The following PRPF18 variants were observed in gnomAD, a reference collection of about 807,000 sequenced individuals.
PRPF18 encodes the protein pre-mRNA-splicing factor 18.
In PRPF18, 38 loss-of-function variants were observed where a neutral mutation model predicts 46.5. The ratio of observed to expected loss-of-function variants is 0.82; its 90% CI spans 0.63 to 1.07. The LOEUF is 1.07. Ranked by LOEUF, PRPF18 falls within the 50% of genes least tolerant of loss-of-function variation. The probability of loss-of-function intolerance (pLI) is 0.00; values close to 1 mark genes in which losing one functional copy is unlikely to be tolerated. For synonymous variants in PRPF18, 152 were observed against 146.7 expected (o/e 1.04, Z -0.26); for missense variants, 263 against 410.0 (o/e 0.64, Z 3.10).
rs745811488 is a variant in PRPF18 at position 13,614,026 on chromosome 10, T to A, written c.732T>A (p.Ala244=). 6.3e-7 allele frequency: 1 copy of A among 1,588,392 alleles called. No homozygotes were observed. The change falls in exon 8 of 10, where the codon GCT becomes GCA. Residue 244 remains alanine, a synonymous_variant. Transcript: ENST00000378572. ...TTTATTTTTTTCAGAATCTTCCTGC[T>A]GATATTAAAGAATCAATAACGGATA... is the stretch of plus-strand genomic sequence containing the variant. ...FRKLRKRNLP[A]DIKESITDII...
At chr10:13,611,213 G>A (rs1427257204) in intron 5 of PRPF18, among the ~76,000 whole-genome samples, 1 of 140,658 alleles carries the variant, frequency 7.1e-6, no homozygotes. Flanking sequence ...TTTCCTATTG[G>A]TGTATTTATT....
In PRPF18 at chr10:13,615,781, G is replaced by A. The variant is rs377526895; in HGVS notation, c.793-617G>A. 2.6e-5 allele frequency among the ~76,000 whole-genome samples: 4 copies of A among 151,876 alleles called. No homozygotes were observed. In the East Asian group the frequency reaches 5.8e-4, roughly 22 times the overall value. On this transcript the variant is annotated intron_variant, in intron 8 of 9. Coordinates refer to ENST00000378572, the MANE Select transcript of PRPF18 (RefSeq NM_003675.4). ...TCATTTTTTGTGGCTGTTCTTTAAC[G>A]GTTCTTGGCAGGTAGGGGGTGGGGT... is the stretch of plus-strand genomic sequence containing the variant.
At chr10:13,594,286 G>C (rs985872043) in intron 1 of PRPF18, among the ~76,000 whole-genome samples, 26 of 152,282 alleles carry the variant, frequency 1.7e-4, no homozygotes, top group Middle Eastern at 6.8e-3. Flanking sequence ...CATAGTAGTT[G>C]GATTCTATTT....
At chr10:13,637,241 G>A in the PRPF18 span, 1 of 152,140 alleles carries the variant, frequency 6.6e-6, no homozygotes. Flanking sequence ...TAGAGTTATT[G>A]TCAAAGAGTT....
chr10:13,625,888 A>G (rs560066449), intron 9 of PRPF18, among the ~76,000 whole-genome samples: 1 of 152,372 alleles, frequency 6.6e-6, no homozygotes, highest in East Asian at 1.9e-4. Flanking sequence ...AAGGGTAAAT[A>G]TAGGCTAATG....
At chr10:13,636,496 C>T in the PRPF18 span, among the ~76,000 whole-genome samples, 2 of 152,144 alleles carry the variant, frequency 1.3e-5, no homozygotes, top group East Asian at 3.8e-4. Context: ...TGTTACGCGT[C>T]AAGTGTCTGT....
At chr10:13,612,228 C>T (rs1232629436) in intron 6 of PRPF18, among the ~76,000 whole-genome samples, 1 of 152,044 alleles carries the variant, frequency 6.6e-6, no homozygotes, top group Non-Finnish European at 1.5e-5. Context: ...AATGTAAACA[C>T]ATAGAAAAGA....
the PRPF18 span, chr10:13,654,190 C>T: frequency 3.1e-5 from 18 of 580,746 alleles, no homozygotes; most frequent in South Asian, 1.5e-4. Context: ...CAAGGACCAC[C>T]GCCTACTTTA....
the PRPF18 span, among the ~76,000 whole-genome samples, chr10:13,650,144 G>GT: frequency 6.6e-6 from 1 of 152,350 alleles, no homozygotes; most frequent in African/African-American, 2.4e-5. Context: ...ATCTCACAGG[G>GT]TTTTGTGGTT....
chr10:13,636,201 C>G, the PRPF18 span, among the ~76,000 whole-genome samples: 1 of 152,296 alleles, frequency 6.6e-6, no homozygotes, highest in Middle Eastern at 3.4e-3. Flanking sequence ...GCGGGCAGAT[C>G]ACTTGAGCTC....
At chr10:13,621,184 G>GT (rs1315855413) in intron 9 of PRPF18, among the ~76,000 whole-genome samples, 1 of 152,190 alleles carries the variant, frequency 6.6e-6, no homozygotes, top group African/African-American at 2.4e-5. Flanking sequence ...AAAAGATGAG[G>GT]TGAAATGCAT....
intron 1 of PRPF18, among the ~76,000 whole-genome samples, chr10:13,595,570 A>C (rs962551031): frequency 1.1e-4 from 16 of 152,198 alleles, no homozygotes; most frequent in African/African-American, 3.1e-4. Context: ...TAAGGACCAG[A>C]GTTCTAGTTG....
intron 9 of PRPF18, among the ~76,000 whole-genome samples, chr10:13,622,587 C>G (rs1325042926): frequency 6.6e-6 from 1 of 152,186 alleles, no homozygotes. Context: ...GAAATAAACC[C>G]TTGCACTGGA....
intron 4 of PRPF18, among the ~76,000 whole-genome samples, chr10:13,609,577 G>A (rs1466238261): frequency 1.3e-5 from 2 of 152,210 alleles, no homozygotes; most frequent in Non-Finnish European, 2.9e-5. Flanking sequence ...TAGAAACATA[G>A]TTGAGAACCT....
At position 13,605,616 on chromosome 10, in the gene PRPF18, T is replaced by C. The variant is rs770359411; in HGVS notation, c.250-15T>C. 7 of 1,557,848 alleles carry C rather than the reference T, an allele frequency of 4.5e-6. No individual in the cohort carries two copies. In the Admixed American group the frequency reaches 1.5e-4, roughly 32 times the overall value. The stretch of plus-strand genomic sequence containing the variant: ...AAAAAAAAAAAATTTACTGGGTATC[T>C]GTTTCACTTTGTAGGTCATCAGAAG... On this transcript the variant is annotated splice_polypyrimidine_tract_variant and intron_variant, in intron 3 of 9. Transcript: ENST00000378572.
chr10:13,612,512 T>C (rs1256545423), intron 6 of PRPF18, among the ~76,000 whole-genome samples: 3 of 151,838 alleles, frequency 2.0e-5, no homozygotes, highest in Non-Finnish European at 4.4e-5. Flanking sequence ...CTTGAACTCC[T>C]GACCACAAGT....
intron 9 of PRPF18, among the ~76,000 whole-genome samples, chr10:13,624,011 G>T (rs1564462900): frequency 1.3e-5 from 2 of 152,128 alleles, no homozygotes; most frequent in Admixed American, 1.3e-4. Context: ...TTCAGACAGG[G>T]TCTCATTCCG....
chr10:13,644,300 A>T, the PRPF18 span: 1 of 152,220 alleles, frequency 6.6e-6, no homozygotes, highest in Non-Finnish European at 1.5e-5. Context: ...TTTTGTTTTA[A>T]AGAAATAGGG....
chr10:13,598,445 G>A (rs1350115740), intron 2 of PRPF18, among the ~76,000 whole-genome samples: 2 of 152,086 alleles, frequency 1.3e-5, no homozygotes, highest in Non-Finnish European at 2.9e-5. Context: ...ATCCTGCATA[G>A]CATTTTTAGA....
Sources: gnomAD v4.1 joint callset for allele counts (sites outside exome capture counted in the v4.1 genomes callset) on GRCh38, gnomAD v4.1.1 for gene constraint, MANE v1.5 for transcripts, NCBI Gene and HGNC (gene_info 2026-07-23, HGNC 2026-07-21) for gene names.